KHDRBS2: variants seen among roughly 807,000 people sequenced by gnomAD.
The protein encoded by KHDRBS2 is KH RNA binding domain containing, signal transduction associated 2, also known as KH domain-containing, RNA-binding, signal transduction-associated protein 2.
In KHDRBS2, 26 loss-of-function variants were observed where a neutral mutation model predicts 44.3. The observed-to-expected ratio is 0.59, with a 90% confidence interval of 0.43 to 0.81. The LOEUF (loss-of-function observed/expected upper bound fraction) is 0.81. Ranked by LOEUF, KHDRBS2 falls within the 40% of genes least tolerant of loss-of-function variation. The probability of loss-of-function intolerance (pLI) is 0.00; values close to 1 mark genes in which losing one functional copy is unlikely to be tolerated. For missense variants in KHDRBS2, 476 were observed against 433.1 expected (o/e 1.10, Z -0.88); for synonymous variants, 194 against 151.1 (o/e 1.28, Z -2.08).
chr6:62,058,813 G>C (rs565315399), intron 2 of KHDRBS2, among the ~76,000 whole-genome samples: 33 of 151,676 alleles, frequency 2.2e-4, no homozygotes, highest in Non-Finnish European at 5.9e-5. Flanking sequence ...ACAATGATGA[G>C]TATTGAAGAA....
chr6:61,982,839 T>C (rs982707328), intron 3 of KHDRBS2, among the ~76,000 whole-genome samples: 6 of 152,156 alleles, frequency 3.9e-5, no homozygotes, highest in African/African-American at 1.4e-4. Context: ...GTTATGGCCT[T>C]TGTTTGAAAC....
At chr6:62,164,958 T>C (rs548962529) in intron 2 of KHDRBS2, among the ~76,000 whole-genome samples, 2 of 151,952 alleles carry the variant, frequency 1.3e-5, no homozygotes, top group Non-Finnish European at 2.9e-5. Context: ...ACATGTGTGA[T>C]AGGAACATTA....
intron 3 of KHDRBS2, among the ~76,000 whole-genome samples, chr6:62,013,896 C>A (rs535980400): frequency 4.6e-5 from 7 of 152,122 alleles, no homozygotes; most frequent in Admixed American, 6.6e-5. Flanking sequence ...AGAATTAAGT[C>A]AAAGAGGTGC....
intron 6 of KHDRBS2, among the ~76,000 whole-genome samples, chr6:61,801,174 C>A (rs1786192427): frequency 2.0e-5 from 3 of 152,090 alleles, no homozygotes; most frequent in African/African-American, 7.2e-5. Flanking sequence ...TATATGAAAA[C>A]ATATATTTTC....
At chr6:61,760,091 A>G (rs193209088) in intron 6 of KHDRBS2, among the ~76,000 whole-genome samples, 47 of 152,354 alleles carry the variant, frequency 3.1e-4, no homozygotes, top group South Asian at 4.1e-4. Context: ...ATCTAAAAAA[A>G]TGAGTTATTT....
chr6:61,868,489 G>T (rs960765394), intron 6 of KHDRBS2, among the ~76,000 whole-genome samples: 18 of 152,332 alleles, frequency 1.2e-4, no homozygotes, highest in Admixed American at 1.0e-3. Flanking sequence ...TAAGAACTCT[G>T]TCCATAGAAT....
intron 7 of KHDRBS2, among the ~76,000 whole-genome samples, chr6:61,697,690 C>T (rs1289945727): frequency 1.3e-5 from 2 of 152,040 alleles, no homozygotes; most frequent in Admixed American, 6.6e-5. Context: ...CCCCTTTATC[C>T]CTTTTACATC....
At chr6:61,810,072 C>T (rs1377286663) in intron 6 of KHDRBS2, among the ~76,000 whole-genome samples, 1 of 152,058 alleles carries the variant, frequency 6.6e-6, no homozygotes, top group African/African-American at 2.4e-5. Context: ...GAATTGGACA[C>T]TTCTAGGAGG....
intron 2 of KHDRBS2, among the ~76,000 whole-genome samples, chr6:62,095,404 T>G (rs1263567249): frequency 6.6e-6 from 1 of 151,850 alleles, no homozygotes; most frequent in Non-Finnish European, 1.5e-5. Context: ...TATCATATTT[T>G]TCCTGTACCT....
intron 3 of KHDRBS2, among the ~76,000 whole-genome samples, chr6:62,011,777 TG>T (rs1043352225): frequency 6.6e-6 from 1 of 152,174 alleles, no homozygotes; most frequent in Admixed American, 6.6e-5. Flanking sequence ...ACATACTAAG[TG>T]CTCAATGTAA....
At chr6:62,076,017 G>A (rs1473853747) in intron 2 of KHDRBS2, among the ~76,000 whole-genome samples, 2 of 151,694 alleles carry the variant, frequency 1.3e-5, no homozygotes, top group Non-Finnish European at 2.9e-5. Flanking sequence ...TGGTATGGAT[G>A]CGTTTGAATA....
chr6:61,794,376 G>A (rs1466565891), intron 6 of KHDRBS2, among the ~76,000 whole-genome samples: 1 of 152,114 alleles, frequency 6.6e-6, no homozygotes, highest in Non-Finnish European at 1.5e-5. Context: ...TTGGCCATGA[G>A]GAACAACTTT....
chr6:61,871,505 C>G (rs933849567), intron 6 of KHDRBS2, among the ~76,000 whole-genome samples: 9 of 152,196 alleles, frequency 5.9e-5, no homozygotes, highest in Admixed American at 3.3e-4. Flanking sequence ...GAAATACAGA[C>G]AACACCACAA....
chr6:62,245,524 T>C (rs1402497810), intron 1 of KHDRBS2, among the ~76,000 whole-genome samples: 1 of 152,280 alleles, frequency 6.6e-6, no homozygotes, highest in East Asian at 1.9e-4. Flanking sequence ...AATGCAATTA[T>C]TGAAATAACT....
intron 6 of KHDRBS2, among the ~76,000 whole-genome samples, chr6:61,797,174 G>A (rs897131082): frequency 2.6e-5 from 4 of 152,032 alleles, no homozygotes; most frequent in Non-Finnish European, 5.9e-5. Context: ...GGAGGAAAGC[G>A]GAGGTTCTGT....
chr6:62,268,914 T>C (rs1663626509), intron 1 of KHDRBS2, among the ~76,000 whole-genome samples: 3 of 152,096 alleles, frequency 2.0e-5, no homozygotes, highest in Admixed American at 1.3e-4. Flanking sequence ...TAAAACACTA[T>C]AAAATTTATT....
Position 61,681,651 on chromosome 6 carries a change from A to G in KHDRBS2, c.953-591T>C, listed in dbSNP as rs144040106. On this transcript the variant is annotated intron_variant, in intron 8 of 8. Transcript: ENST00000281156. ...AAATCAGTAAACAAAACAAAACACA[A>G]AGATATCAGTTTTTCCAAGTAAACA... is the stretch of plus-strand genomic sequence containing the variant. Among the ~76,000 whole-genome samples, 1,182 of 152,026 alleles carry G rather than the reference A, an allele frequency of 7.8e-3. 16 individuals are homozygous for G. Among genetic ancestry groups the G allele is most frequent in the African/African-American group, 0.027 (1,107 of 41,516 alleles).
At chr6:62,239,406 C>T (rs1834217240) in intron 1 of KHDRBS2, among the ~76,000 whole-genome samples, 1 of 152,018 alleles carries the variant, frequency 6.6e-6, no homozygotes, top group Non-Finnish European at 1.5e-5. Flanking sequence ...AACCCTGTCT[C>T]TGCTAAAAAT....
intron 2 of KHDRBS2, among the ~76,000 whole-genome samples, chr6:62,078,256 A>G (rs1434516399): frequency 6.6e-6 from 1 of 152,072 alleles, no homozygotes; most frequent in Non-Finnish European, 1.5e-5. Flanking sequence ...TCTTATGATC[A>G]ATATCATAAA....
Sources: allele counts gnomAD v4.1 joint callset (sites outside exome capture counted in the v4.1 genomes callset), GRCh38; gene constraint gnomAD v4.1.1; transcripts MANE v1.5; gene names NCBI Gene and HGNC (gene_info 2026-07-23, HGNC 2026-07-21).